The following GALNTL6 variants were observed in gnomAD, a reference collection of about 807,000 sequenced individuals.
GALNTL6 encodes polypeptide N-acetylgalactosaminyltransferase-like 6.
In GALNTL6, 46 loss-of-function variants were observed where a neutral mutation model predicts 73.7. The observed-to-expected ratio is 0.62, with a 90% CI of 0.49 to 0.80. GALNTL6 has a LOEUF of 0.80. Ranked by LOEUF, GALNTL6 falls within the 30% of genes least tolerant of loss-of-function variation. The pLI is 0.00. For synonymous variants in GALNTL6, 259 were observed against 263.7 expected (o/e 0.98, Z 0.17); for missense variants, 604 against 755.0 (o/e 0.80, Z 2.34).
At chr4:172,867,711 C>T (rs1172385240) in intron 7 of GALNTL6, among the ~76,000 whole-genome samples, 1 of 152,160 alleles carries the variant, frequency 6.6e-6, no homozygotes, top group African/African-American at 2.4e-5. Context: ...CATGGCCAGA[C>T]CTCCCTATCT....
At chr4:172,776,490 G>T (rs369368607) in intron 5 of GALNTL6, among the ~76,000 whole-genome samples, 89 of 152,334 alleles carry the variant, frequency 5.8e-4, no homozygotes, top group South Asian at 5.8e-3. Context: ...TTAGGGCTCA[G>T]TTAACATTCA....
Position 172,229,773 on chromosome 4 carries a change from C to T in GALNTL6, c.247+9C>T, listed in dbSNP as rs1429999600. ...AGAGGCTATGCGCTCAGGTATGAAG[C>T]TCAGTGTACGCCAAAGTGCTATTTC... is the stretch of plus-strand genomic sequence containing the variant. On this transcript the variant is annotated intron_variant, in intron 3 of 12. Transcript: ENST00000506823. 1.9e-6 allele frequency: 3 copies of T among 1,543,534 alleles called. No homozygotes were observed. Among genetic ancestry groups the T allele is most frequent in the African/African-American group, 1.4e-5 (1 of 73,566 alleles).
intron 5 of GALNTL6, among the ~76,000 whole-genome samples, chr4:172,606,652 GTATATATATACTA>G (rs1202482024): frequency 0.024 from 843 of 34,758 alleles, 17 homozygotes; most frequent in Middle Eastern, 0.036. Context: ...TATATATATA[GTATATATATACTA>G]TATATATATA....
chr4:171,904,156 C>T (rs1414709220), intron 2 of GALNTL6, among the ~76,000 whole-genome samples: 5 of 152,046 alleles, frequency 3.3e-5, no homozygotes, highest in East Asian at 1.9e-4. Flanking sequence ...ATGACTTTGA[C>T]GAGCTGAGAG....
intron 2 of GALNTL6, among the ~76,000 whole-genome samples, chr4:172,118,135 G>A (rs761042380): frequency 6.6e-6 from 1 of 152,162 alleles, no homozygotes; most frequent in Non-Finnish European, 1.5e-5. Flanking sequence ...CAGCGGTATA[G>A]GTGGTAGATG....
chr4:172,737,506 A>G (rs1281898220), intron 5 of GALNTL6, among the ~76,000 whole-genome samples: 1 of 152,014 alleles, frequency 6.6e-6, no homozygotes, highest in Non-Finnish European at 1.5e-5. Flanking sequence ...TCTCTGATCA[A>G]TTTCTAAATT....
chr4:172,457,016 C>G (rs527366366), intron 5 of GALNTL6, among the ~76,000 whole-genome samples: 1 of 152,238 alleles, frequency 6.6e-6, no homozygotes, highest in South Asian at 2.1e-4. Context: ...TGCAAAAACC[C>G]TACAAGCCAG....
At chr4:171,844,080 A>G (rs953536098) in intron 2 of GALNTL6, among the ~76,000 whole-genome samples, 6 of 152,126 alleles carry the variant, frequency 3.9e-5, no homozygotes, top group African/African-American at 1.2e-4. Context: ...AAATGAGACA[A>G]TGCAATTGCA....
At chr4:172,970,048 G>A (rs1384627644) in intron 10 of GALNTL6, among the ~76,000 whole-genome samples, 1 of 152,110 alleles carries the variant, frequency 6.6e-6, no homozygotes, top group East Asian at 1.9e-4. Context: ...TTTTATTAGG[G>A]ATTTCAAAAG....
intron 7 of GALNTL6, among the ~76,000 whole-genome samples, chr4:172,821,377 T>C (rs927879725): frequency 6.6e-6 from 1 of 152,192 alleles, no homozygotes; most frequent in Non-Finnish European, 1.5e-5. Flanking sequence ...CTTTGAATCC[T>C]AGGGTTAATC....
intron 2 of GALNTL6, among the ~76,000 whole-genome samples, chr4:172,197,738 G>A (rs957385330): frequency 6.6e-6 from 1 of 152,166 alleles, no homozygotes; most frequent in Non-Finnish European, 1.5e-5. Context: ...TTAGCCATAT[G>A]TAGAAAATTG....
chr4:172,106,446 T>C (rs1732677442), intron 2 of GALNTL6, among the ~76,000 whole-genome samples: 1 of 152,168 alleles, frequency 6.6e-6, no homozygotes, highest in Non-Finnish European at 1.5e-5. Context: ...AACATGTCCA[T>C]CAGATTGGAA....
chr4:171,904,370 G>A (rs546803755), intron 2 of GALNTL6, among the ~76,000 whole-genome samples: 17 of 152,280 alleles, frequency 1.1e-4, no homozygotes, highest in Admixed American at 2.6e-4. Flanking sequence ...GAGCCGATGC[G>A]ATCAACTGGA....
At chr4:172,694,578 C>T (rs1488257834) in intron 5 of GALNTL6, among the ~76,000 whole-genome samples, 3 of 152,132 alleles carry the variant, frequency 2.0e-5, no homozygotes, top group African/African-American at 4.8e-5. Context: ...TAAAGGACTT[C>T]TCAGTGTTGA....
At chr4:172,185,309 G>A (rs1380643975) in intron 2 of GALNTL6, among the ~76,000 whole-genome samples, 1 of 152,164 alleles carries the variant, frequency 6.6e-6, no homozygotes, top group South Asian at 2.1e-4. Context: ...ATAGATGGTG[G>A]GGCCAAACTC....
intron 2 of GALNTL6, among the ~76,000 whole-genome samples, chr4:172,223,674 TATTA>T (rs1177124077): frequency 1.3e-5 from 2 of 152,140 alleles, no homozygotes; most frequent in Admixed American, 6.5e-5. Context: ...TGTTTGGTTT[TATTA>T]ATTCATAAGA....
intron 2 of GALNTL6, among the ~76,000 whole-genome samples, chr4:172,176,744 G>T (rs1337076611): frequency 6.6e-6 from 1 of 152,028 alleles, no homozygotes; most frequent in Non-Finnish European, 1.5e-5. Context: ...AGCTAGGATT[G>T]TACCGTGGCG....
At chr4:172,995,772 G>T (rs901588263) in intron 10 of GALNTL6, among the ~76,000 whole-genome samples, 1 of 152,172 alleles carries the variant, frequency 6.6e-6, no homozygotes, top group Non-Finnish European at 1.5e-5. Flanking sequence ...TTAAATGCCT[G>T]CTTTCATGTT....
intron 8 of GALNTL6, among the ~76,000 whole-genome samples, chr4:172,886,286 G>C (rs1260784724): frequency 6.6e-6 from 1 of 152,132 alleles, no homozygotes; most frequent in Non-Finnish European, 1.5e-5. Flanking sequence ...GTATTTACAA[G>C]AATTTATCTA....
Sources: allele counts gnomAD v4.1 joint callset (sites outside exome capture counted in the v4.1 genomes callset), GRCh38; gene constraint gnomAD v4.1.1; transcripts MANE v1.5; gene names NCBI Gene and HGNC (gene_info 2026-07-23, HGNC 2026-07-21).